The following CUL2 variants were observed in gnomAD, a reference collection of about 807,000 sequenced individuals.
The protein encoded by CUL2 is cullin-2.
In CUL2, 22 loss-of-function variants were observed where a neutral mutation model predicts 110.2. The ratio of observed to expected loss-of-function variants is 0.20; its 90% CI spans 0.14 to 0.28. The LOEUF (loss-of-function observed/expected upper bound fraction) is 0.28, where lower values mean the gene tolerates loss of function less well. CUL2 is among the 10% of genes least tolerant of loss of function. CUL2 has a pLI of 1.00. For synonymous variants in CUL2, 279 were observed against 293.2 expected, an observed-to-expected ratio of 0.95 and a Z score of 0.49; for missense variants, 631 against 905.5, an observed-to-expected ratio of 0.70 and a Z score of 3.89.
intron 5 of CUL2, 73 bp from the exon 6 acceptor site, chr10:35,049,838 T>TA (rs2086053052): frequency 3.2e-6 from 3 of 944,772 alleles, no homozygotes; most frequent in East Asian, 2.6e-5. Context: ...AGGTTTTTTT[T>TA]AACTAAAAAT....
chr10:35,080,860 G>A (rs12775079), intron 1 of CUL2, among the ~76,000 whole-genome samples: 20,570 of 152,056 alleles, frequency 0.14, 1,580 homozygotes, highest in South Asian at 0.2. Context: ...ACATCTTGAA[G>A]TCTCAAAAAG....
At chr10:35,101,232 G>A (rs1344960865) in intron 1 of CUL2, among the ~76,000 whole-genome samples, 1 of 152,182 alleles carries the variant, frequency 6.6e-6, no homozygotes, top group Non-Finnish European at 1.5e-5. Flanking sequence ...AAAGGTGAGA[G>A]GTATTAAGCC....
chr10:35,123,630 G>A (rs943357416), intron 1 of CUL2, among the ~76,000 whole-genome samples: 5 of 152,138 alleles, frequency 3.3e-5, no homozygotes, highest in Admixed American at 3.3e-4. Context: ...GACCAAAATC[G>A]TTTCAAGGTG....
intron 19 of CUL2, among the ~76,000 whole-genome samples, chr10:35,013,193 AAATTAG>A (rs2084946697): frequency 6.6e-6 from 1 of 151,992 alleles, no homozygotes; most frequent in Non-Finnish European, 1.5e-5. Flanking sequence ...ACAAAAAACA[AAATTAG>A]CCAGGCATAG....
chr10:35,121,821 A>AT (rs889680967), intron 1 of CUL2, among the ~76,000 whole-genome samples: 60 of 151,784 alleles, frequency 4.0e-4, no homozygotes, highest in Admixed American at 9.2e-4. Flanking sequence ...AAAAAAAAAA[A>AT]AAAAATAAAA....
chr10:35,061,933 T>C (rs2086393238), intron 3 of CUL2, among the ~76,000 whole-genome samples: 1 of 152,118 alleles, frequency 6.6e-6, no homozygotes, highest in African/African-American at 2.4e-5. Context: ...AAAAAGTATC[T>C]ACTCCTGACC....
intron 2 of CUL2, chr10:35,097,878 G>C (rs541029203): frequency 6.6e-6 from 1 of 152,084 alleles, no homozygotes; most frequent in African/African-American, 2.4e-5. Context: ...AGAATCACTT[G>C]AGCCCAGGAG....
In CUL2 at chr10:35,031,767, C is replaced by G. The variant is rs1346489338; in HGVS notation, c.1171-148G>C. ...GACCGGGTCTTGCTCTGTTGCCAGGCTGGATTGCAGTGGACAAGATCATAG... is the reference window on the plus strand; with the variant it reads ...GACCGGGTCTTGCTCTGTTGCCAGGGTGGATTGCAGTGGACAAGATCATAG... On this transcript the variant is annotated intron_variant, in intron 12 of 20. Coordinates refer to ENST00000374749, the MANE Select transcript of CUL2 (RefSeq NM_003591.4). The surrounding 1 kb of genome is among the most constrained non-coding windows in gnomAD (Gnocchi z 4.4). 2 of 765,380 alleles carry G rather than the reference C, an allele frequency of 2.6e-6. No individual in the cohort carries two copies. The highest frequency in any genetic ancestry group is 5.4e-5 in the East Asian group (2 of 37,072). 47.4% of individuals were successfully genotyped at this position (765,380 alleles called of 1,614,324 possible).
intron 17 of CUL2, among the ~76,000 whole-genome samples, chr10:35,021,460 T>TAC (rs562193794): frequency 2.8e-5 from 4 of 140,732 alleles, no homozygotes; most frequent in African/African-American, 1.3e-4. Flanking sequence ...CACACATACA[T>TAC]ACACACACAC....
chr10:35,037,783 T>C (rs943733557), intron 9 of CUL2, among the ~76,000 whole-genome samples: 2 of 151,966 alleles, frequency 1.3e-5, no homozygotes, highest in African/African-American at 2.4e-5. Context: ...GCAGAGGTTA[T>C]AGTGAACAGA....
chr10:35,051,080 C>T (rs1298651102), intron 5 of CUL2, among the ~76,000 whole-genome samples: 1 of 152,162 alleles, frequency 6.6e-6, no homozygotes, highest in Non-Finnish European at 1.5e-5. Flanking sequence ...CTTTGGGAGG[C>T]TGAGACGGGC....
chr10:35,092,247 T>C (rs1266837720), upstream of CUL2, among the ~76,000 whole-genome samples: 5 of 152,234 alleles, frequency 3.3e-5, no homozygotes, highest in Admixed American at 3.3e-4. Flanking sequence ...TGAGCCACCA[T>C]GCCTGGCCTC....
intron 10 of CUL2, among the ~76,000 whole-genome samples, chr10:35,034,134 T>C (rs2085554408): frequency 6.6e-6 from 1 of 152,336 alleles, no homozygotes; most frequent in South Asian, 2.1e-4. Context: ...ACCTAAGACT[T>C]AACTAAGTCA....
At chr10:35,107,913 A>T (rs553722667) in intron 1 of CUL2, among the ~76,000 whole-genome samples, 1 of 147,936 alleles carries the variant, frequency 6.8e-6, no homozygotes, top group East Asian at 2.0e-4. Flanking sequence ...AAAAAAAAGT[A>T]GAAGACCTGG....
intron 1 of CUL2, among the ~76,000 whole-genome samples, chr10:35,125,060 C>A (rs2087728787): frequency 6.6e-6 from 1 of 152,182 alleles, no homozygotes; most frequent in South Asian, 2.1e-4. Flanking sequence ...CTACAATAAT[C>A]CTAACAGGTA....
At chr10:35,037,843 AAAAAAC>A (rs1258339442) in intron 9 of CUL2, among the ~76,000 whole-genome samples, 1 of 152,048 alleles carries the variant, frequency 6.6e-6, no homozygotes, top group African/African-American at 2.4e-5. Context: ...ACTCCGTCTC[AAAAAAC>A]AAAAACAAAA....
intron 5 of CUL2, 128 bp from the exon 6 acceptor site, chr10:35,049,893 A>G: frequency 1.7e-6 from 1 of 581,608 alleles, no homozygotes; most frequent in East Asian, 3.0e-5. Flanking sequence ...AAATTCAAAT[A>G]AAACCTGAAC....
At chr10:35,017,889 A>G (rs2085077962) in intron 17 of CUL2, among the ~76,000 whole-genome samples, 1 of 151,696 alleles carries the variant, frequency 6.6e-6, no homozygotes, top group Admixed American at 6.6e-5. Context: ...AAAAAAAAAA[A>G]AGAAAAGAAA....
At chr10:35,107,718 T>A (rs1027934836) in intron 1 of CUL2, among the ~76,000 whole-genome samples, 25 of 151,460 alleles carry the variant, frequency 1.7e-4, no homozygotes, top group African/African-American at 5.8e-4. Context: ...CTGCCTCTAC[T>A]AAAAATACAA....
Sources: allele counts gnomAD v4.1 joint callset (sites outside exome capture counted in the v4.1 genomes callset), GRCh38; gene constraint gnomAD v4.1.1; non-coding constraint Gnocchi (gnomAD v3.1); transcripts MANE v1.5; gene names NCBI Gene and HGNC (gene_info 2026-07-23, HGNC 2026-07-21).